Variants in ASTL observed in about 807,000 individuals in gnomAD.
The protein encoded by ASTL is astacin like metalloendopeptidase.
ASTL carries 27 observed loss-of-function variants against 36.7 expected under a neutral mutation model. The ratio of observed to expected loss-of-function variants is 0.73; its 90% CI spans 0.54 to 1.01. The LOEUF is 1.01. Among genes scored for constraint, ASTL ranks in the 50% least tolerant of loss-of-function variants. ASTL has a pLI of 0.00. For synonymous variants in ASTL, 222 were observed against 228.1 expected (o/e 0.97, Z 0.24); for missense variants, 524 against 572.8 (o/e 0.91, Z 0.87).
At chr2:96,126,597 C>T (rs1682067959) in intron 8 of ASTL, among the ~76,000 whole-genome samples, 2 of 152,152 alleles carry the variant, frequency 1.3e-5, no homozygotes, top group African/African-American at 2.4e-5. Flanking sequence ...GTGGCTCACA[C>T]CTGTAATCCC....
At chr2:96,133,236 GCA>G (rs773696207) in intron 5 of ASTL, among the ~76,000 whole-genome samples, 187 bp downstream of exon 5, 50 of 152,194 alleles carry the variant, frequency 3.3e-4, no homozygotes, top group Non-Finnish European at 6.2e-4. Flanking sequence ...GGAGGGTCTA[GCA>G]CCGTTCCCAT....
intron 5 of ASTL, 35 bp downstream of exon 5, chr2:96,133,390 C>T (rs1450614896): frequency 8.8e-6 from 12 of 1,362,326 alleles, no homozygotes; most frequent in African/African-American, 5.7e-5. Flanking sequence ...AACGCAGAAG[C>T]GAGCTGAGAT....
At chr2:96,134,294 A>T (rs558444024) in intron 3 of ASTL, among the ~76,000 whole-genome samples, 10 of 152,340 alleles carry the variant, frequency 6.6e-5, no homozygotes, top group African/African-American at 2.4e-4. Context: ...TTCAATCTCA[A>T]GCAAACAAGA....
At chr2:96,128,554 G>C (rs1161884924) in intron 8 of ASTL, among the ~76,000 whole-genome samples, 1 of 152,140 alleles carries the variant, frequency 6.6e-6, no homozygotes, top group Non-Finnish European at 1.5e-5. Flanking sequence ...CTTCCATAGT[G>C]ACCATCAATG....
In ASTL at chr2:96,132,489, C is replaced by G; in HGVS notation, c.637+51G>C. On this transcript the variant is annotated intron_variant, in intron 6 of 8. Coordinates refer to ENST00000342380, the MANE Select transcript of ASTL (RefSeq NM_001002036.4). The surrounding 1 kb of genome is among the most constrained non-coding windows in gnomAD (Gnocchi z 5.4). ...GGGACCAGGCGACTTGGGCCCAAGC[C>G]GTGCTGTCCCCTCCCCGGCACCAGC... 6.6e-7 allele frequency: 1 copy of G among 1,512,268 alleles called. No homozygotes were observed. The highest frequency in any genetic ancestry group is 9.0e-7 in the Non-Finnish European group (1 of 1,117,102). The allele number at this position is 1,512,268 out of a possible 1,614,324, so 93.7% of individuals were successfully genotyped here. A position where few individuals can be genotyped will look rare whatever the true frequency, so the allele number is the denominator to read the frequency against.
At position 96,137,474 on chromosome 2, in the gene ASTL, T is replaced by C. The variant is rs1682324595; in HGVS notation, c.181+101A>G. On this transcript the variant is annotated intron_variant, in intron 2 of 8. Coordinates refer to ENST00000342380, the MANE Select transcript of ASTL (RefSeq NM_001002036.4). ...CCACTTAGAGCCCAGAGTAAGCTGG[T>C]CCATTTCCTCCCAGGCTCTGCATTT... The C allele has an allele frequency of 1.7e-5, 23 of 1,380,706 alleles. No individual in the cohort carries two copies. The South Asian group carries it at 2.2e-4, about 13-fold the overall frequency. 85.5% of individuals were successfully genotyped at this position (1,380,706 alleles called of 1,614,324 possible). A position where few individuals can be genotyped will look rare whatever the true frequency, so the allele number is the denominator to read the frequency against.
At chr2:96,128,545 T>C (rs954605102) in intron 8 of ASTL, among the ~76,000 whole-genome samples, 1 of 152,224 alleles carries the variant, frequency 6.6e-6, no homozygotes, top group Non-Finnish European at 1.5e-5. Flanking sequence ...TTAACTGTCC[T>C]TCCATAGTGA....
Position 96,137,603 on chromosome 2 carries a change from C to G in ASTL, c.153G>C (p.Gly51=). 2 of 1,613,962 alleles carry G rather than the reference C, an allele frequency of 1.2e-6. No individual in the cohort carries two copies. The highest frequency in any genetic ancestry group is 2.2e-5 in the East Asian group (1 of 44,880). The part of the protein sequence containing the change: ...GLTPEGTQAS[G]DKDIPAINQG... ...GGTTAATTGCAGGAATGTCCTTGTCCCCGGAGGCCTGGGTTCCCTCAGGGG... is the reference window on the plus strand; with the variant it reads ...GGTTAATTGCAGGAATGTCCTTGTCGCCGGAGGCCTGGGTTCCCTCAGGGG... The change falls in exon 2 of 9, where the codon GGG becomes GGC. Residue 51 remains glycine (G), a synonymous_variant. Transcript: ENST00000342380.
chr2:96,126,817 T>C (rs557046736), intron 8 of ASTL, among the ~76,000 whole-genome samples: 88 of 151,722 alleles, frequency 5.8e-4, no homozygotes, highest in African/African-American at 2.1e-3. Flanking sequence ...GATTGCATCA[T>C]TGCACTCCAG....
At chr2:96,125,515 C>T (rs900697686) in intron 8 of ASTL, among the ~76,000 whole-genome samples, 1 of 152,174 alleles carries the variant, frequency 6.6e-6, no homozygotes, top group Non-Finnish European at 1.5e-5. Flanking sequence ...ATATCCACCC[C>T]TCTCCTCCAG....
Position 96,134,026 on chromosome 2 carries a change from G to A in ASTL, c.276C>T (p.Asn92=). ...CACCACTACCACCCATGGGCCATTT[G>A]TTGCTGGTTGCTGACAGCAGTCGGA... ...SPFRLLSATS[N]KWPMGGSGVV... is the part of the protein sequence containing the mutation. The change falls in exon 4 of 9, where the codon AAC becomes AAT. Residue 92 remains asparagine, a synonymous_variant. Coordinates refer to ENST00000342380, the MANE Select transcript of ASTL (RefSeq NM_001002036.4). The A allele has an allele frequency of 6.2e-7, 1 of 1,613,988 alleles. No individual in the cohort carries two copies. The highest frequency in any genetic ancestry group is 8.5e-7 in the Non-Finnish European group (1 of 1,179,888).
chr2:96,133,809 G>A (rs575116913), intron 4 of ASTL, 156 bp downstream of exon 4: 7 of 676,548 alleles, frequency 1.0e-5, no homozygotes, highest in South Asian at 3.4e-5. Flanking sequence ...CCCTACTCAG[G>A]AGACCTTCAG....
At chr2:96,131,952 C>T (rs1005857074) in intron 6 of ASTL, among the ~76,000 whole-genome samples, 2 of 152,200 alleles carry the variant, frequency 1.3e-5, no homozygotes, top group African/African-American at 2.4e-5. Context: ...CGCCACACAG[C>T]CGCTGCCAGC....
Position 96,124,169 on chromosome 2 carries a change from C to T in ASTL, c.977G>A (p.Ser326Asn), listed in dbSNP as rs762146003. 19 of 1,548,562 alleles carry T rather than the reference C, an allele frequency of 1.2e-5. 1 individual carries two copies. The South Asian group carries it at 1.8e-4, about 14-fold the overall frequency. ...LSAESRSPDP[S>N]GSSAGGQPVP... ...GGGCTGGCCTCCCGCACTGGAACCA[C>T]TGGGGTCGGGGCTCCTGGATTCCGC... The change falls in exon 9 of 9, where the codon AGT becomes AAT. Residue 326 changes from serine (S) to asparagine (N), a missense_variant. Transcript: ENST00000342380. This position sits in a 1 kb window ranked among gnomAD's most constrained non-coding sequence, Gnocchi z 4.1.
intron 8 of ASTL, among the ~76,000 whole-genome samples, chr2:96,125,218 C>A (rs994060560): frequency 6.6e-6 from 1 of 152,192 alleles, no homozygotes; most frequent in East Asian, 1.9e-4. Flanking sequence ...TCACACCTGC[C>A]GCCAGACCCA....
rs767926152 is a variant in ASTL, at chr2:96,137,605, C to T, written c.151G>A (p.Gly51Arg). Residue 51 changes from glycine to arginine, a missense_variant, in exon 2 of 9, where the codon GGG (glycine) becomes AGG (arginine). Gly to Arg is a moderately radical substitution (Grantham distance 125). Coordinates refer to ENST00000342380, the MANE Select transcript of ASTL (RefSeq NM_001002036.4). ...TTAATTGCAGGAATGTCCTTGTCCCCGGAGGCCTGGGTTCCCTCAGGGGTG... is the reference window on the plus strand; with the variant it reads ...TTAATTGCAGGAATGTCCTTGTCCCTGGAGGCCTGGGTTCCCTCAGGGGTG... ...GLTPEGTQASGDKDIPAINQG... is the reference protein window; with the variant it reads ...GLTPEGTQASRDKDIPAINQG... 86 of 1,613,834 alleles carry T rather than the reference C, an allele frequency of 5.3e-5. No individual in the cohort carries two copies. The Middle Eastern group carries it at 2.0e-3, about 37-fold the overall frequency.
chr2:96,131,736 T>C (rs1397363102), intron 6 of ASTL, among the ~76,000 whole-genome samples: 2 of 152,162 alleles, frequency 1.3e-5, no homozygotes, highest in Non-Finnish European at 2.9e-5. Context: ...CTTCCCTGGC[T>C]GCCTCACCTG....
Position 96,124,598 on chromosome 2 carries a change from T to A in ASTL, c.875-327A>T, listed in dbSNP as rs1466290837. ...CACCTTCCGGACCCTTCACCCAGGT[T>A]GTTCTGCCTATGGCCATACCCTACC... On this transcript the variant is annotated intron_variant, in intron 8 of 8. Coordinates refer to ENST00000342380, the MANE Select transcript of ASTL (RefSeq NM_001002036.4). This position sits in a 1 kb window ranked among gnomAD's most constrained non-coding sequence, Gnocchi z 4.1. Among the ~76,000 whole-genome samples the A allele has an allele frequency of 6.6e-6, 1 of 152,080 alleles. No homozygotes were observed. The highest frequency in any genetic ancestry group is 2.4e-5 in the African/African-American group (1 of 41,394).
chr2:96,135,365 C>G lies in ASTL; in HGVS notation c.229G>C (p.Asp77His), dbSNP rs1224753387. The change falls in exon 3 of 9, where the codon GAC (aspartate) becomes CAC (histidine). Residue 77 changes from aspartate to histidine, a missense_variant. Asp to His is a moderately conservative substitution (Grantham distance 81). Coordinates refer to ENST00000342380, the MANE Select transcript of ASTL (RefSeq NM_001002036.4). ...TGTGCACTCACCGGCCGGATGATGTCCCCCTCGATGAGGAAGCTGCTCTCT... is the reference window on the plus strand; with the variant it reads ...TGTGCACTCACCGGCCGGATGATGTGCCCCTCGATGAGGAAGCTGCTCTCT... ...TPESSFLIEGDIIRPSPFRLL... is the reference protein window; with the variant it reads ...TPESSFLIEGHIIRPSPFRLL... 1 of 1,613,982 alleles carries G rather than the reference C, an allele frequency of 6.2e-7. No homozygotes were observed. Among genetic ancestry groups the G allele is most frequent in the Non-Finnish European group, 8.5e-7 (1 of 1,179,980 alleles).
Sources: gnomAD v4.1 joint callset for allele counts (sites outside exome capture counted in the v4.1 genomes callset) on GRCh38, gnomAD v4.1.1 for gene constraint, Gnocchi (gnomAD v3.1) non-coding constraint, MANE v1.5 for transcripts, NCBI Gene and HGNC (gene_info 2026-07-23, HGNC 2026-07-21) for gene names.